The following GALNT17 variants were observed in gnomAD, a reference collection of about 807,000 sequenced individuals.
GALNT17 encodes UDP-GalNAc:polypeptide N-acetylgalactosaminyltransferase-like 3.
Under a neutral mutation model 63.7 loss-of-function variants are expected in GALNT17, and 29 were observed. That is an observed-to-expected ratio of 0.46 (90% confidence interval 0.34 to 0.62). The LOEUF (loss-of-function observed/expected upper bound fraction) is 0.62, where lower values mean the gene tolerates loss of function less well. GALNT17 is among the 20% of genes least tolerant of loss of function. GALNT17 has a pLI of 0.01. For synonymous variants in GALNT17, 305 were observed against 318.3 expected (o/e 0.96, Z 0.45); for missense variants, 603 against 799.6 (o/e 0.75, Z 2.97).
chr7:71,285,910 T>C (rs914414025), intron 1 of GALNT17, among the ~76,000 whole-genome samples: 6 of 152,224 alleles, frequency 3.9e-5, no homozygotes, highest in Non-Finnish European at 8.8e-5. Context: ...GAAGTATTTG[T>C]GAAGCTATTT....
chr7:71,688,015 G>A (rs1791387717), intron 9 of GALNT17, among the ~76,000 whole-genome samples: 1 of 152,126 alleles, frequency 6.6e-6, no homozygotes, highest in Non-Finnish European at 1.5e-5. Flanking sequence ...TTTTGATGCT[G>A]AGAAAACCTG....
intron 5 of GALNT17, among the ~76,000 whole-genome samples, chr7:71,536,409 T>C (rs1584033080): frequency 2.0e-5 from 3 of 152,212 alleles, no homozygotes; most frequent in Non-Finnish European, 4.4e-5. Flanking sequence ...TTAGTCCATT[T>C]TCATGTGGCT....
At chr7:71,628,309 A>G (rs1483159649) in intron 6 of GALNT17, among the ~76,000 whole-genome samples, 1 of 152,110 alleles carries the variant, frequency 6.6e-6, no homozygotes, top group Non-Finnish European at 1.5e-5. Context: ...TTGAATTGCT[A>G]GAAATGCTTT....
intron 1 of GALNT17, among the ~76,000 whole-genome samples, chr7:71,334,508 C>T (rs1334611185): frequency 1.3e-5 from 2 of 152,062 alleles, no homozygotes; most frequent in African/African-American, 2.4e-5. Context: ...GTAGCTGGAA[C>T]ATTTGAAATG....
intron 5 of GALNT17, among the ~76,000 whole-genome samples, chr7:71,494,177 G>A (rs2116680973): frequency 6.6e-6 from 1 of 152,236 alleles, no homozygotes; most frequent in Middle Eastern, 3.4e-3. Context: ...GAGACAGTAT[G>A]TGTGTGAAGG....
rs371043053 is a variant in GALNT17 at position 71,712,000 on chromosome 7, G to A, written c.1669-18G>A. 1.6e-4 allele frequency: 257 copies of A among 1,610,586 alleles called. No individual in the cohort carries two copies. In the African/African-American group the frequency reaches 2.8e-3, roughly 18 times the overall value. ...CCTCTCTCTCTTCTCCTCTCTTCTC[G>A]ATTTTGCCCCCTCCCAGAATGGAGC... On this transcript the variant is annotated intron_variant, in intron 10 of 10. Coordinates refer to ENST00000333538, the MANE Select transcript of GALNT17 (RefSeq NM_022479.3).
In GALNT17 at chr7:71,713,371, C is replaced by G. The variant is rs916872716; in HGVS notation, c.*1225C>G. 2 of 152,712 alleles carry G rather than the reference C, an allele frequency of 1.3e-5. No individual in the cohort carries two copies. The highest frequency in any genetic ancestry group is 1.3e-4 in the Admixed American group (2 of 15,278). The allele number at this position is 152,712 out of a possible 1,614,324, so 9.5% of individuals were successfully genotyped here. A position where few individuals can be genotyped will look rare whatever the true frequency, so the allele number is the denominator to read the frequency against. ...CATGTCACTGGCCGGAAGGATGTGT[C>G]TCAGCCCTGCCCTGTGGGGTGCCCC... On this transcript the variant is annotated 3_prime_UTR_variant, in exon 11 of 11. Coordinates refer to ENST00000333538, the MANE Select transcript of GALNT17 (RefSeq NM_022479.3).
chr7:71,201,241 T>TATATA (rs1554338085), intron 1 of GALNT17, among the ~76,000 whole-genome samples: 1,552 of 138,430 alleles, frequency 0.011, 72 homozygotes, highest in African/African-American at 0.042. Flanking sequence ...GTGTTTATTT[T>TATATA]TATATATATA....
At chr7:71,617,285 AT>A (rs1474265564) in intron 6 of GALNT17, among the ~76,000 whole-genome samples, 6 of 79,002 alleles carry the variant, frequency 7.6e-5, no homozygotes, top group Non-Finnish European at 1.7e-4. Flanking sequence ...GATAGATAGT[AT>A]TTTTGGTTTT....
intron 5 of GALNT17, among the ~76,000 whole-genome samples, chr7:71,569,911 T>G (rs79293090): frequency 0.064 from 9,715 of 152,258 alleles, 335 homozygotes; most frequent in South Asian, 0.12. Context: ...TGGGATTGTT[T>G]GGTTGAATGG....
intron 9 of GALNT17, among the ~76,000 whole-genome samples, chr7:71,689,168 T>C (rs1328834370): frequency 6.6e-6 from 1 of 151,994 alleles, no homozygotes; most frequent in Non-Finnish European, 1.5e-5. Flanking sequence ...TTCTCCTATC[T>C]CTCTCCCAAT....
chr7:71,215,828 A>T (rs1199522833), intron 1 of GALNT17, among the ~76,000 whole-genome samples: 2 of 152,120 alleles, frequency 1.3e-5, no homozygotes, highest in African/African-American at 4.8e-5. Context: ...ACAATCTTAC[A>T]ATTTATTGAA....
intron 1 of GALNT17, among the ~76,000 whole-genome samples, chr7:71,306,458 A>T (rs1335664777): frequency 6.6e-6 from 1 of 151,842 alleles, no homozygotes; most frequent in African/African-American, 2.4e-5. Flanking sequence ...ACTACTCTAC[A>T]TACCTCATTT....
At chr7:71,616,174 G>C (rs1790199068) in intron 6 of GALNT17, among the ~76,000 whole-genome samples, 1 of 152,120 alleles carries the variant, frequency 6.6e-6, no homozygotes, top group African/African-American at 2.4e-5. Flanking sequence ...CGCCTGGCAG[G>C]TGGTCAAGAC....
intron 5 of GALNT17, among the ~76,000 whole-genome samples, chr7:71,520,012 C>T (rs996929809): frequency 6.6e-6 from 1 of 152,152 alleles, no homozygotes; most frequent in South Asian, 2.1e-4. Context: ...TGATTACTTA[C>T]TATGTGCTGA....
rs1790246080 is a variant in GALNT17, at chr7:71,618,237, C to CA, written c.1080+46836dup. Among the ~76,000 whole-genome samples, 4 of 152,200 alleles carry CA rather than the reference C, an allele frequency of 2.6e-5. No homozygotes were observed. In the South Asian group the frequency reaches 8.3e-4, roughly 32 times the overall value. On this transcript the variant is annotated intron_variant, in intron 6 of 10. Transcript: ENST00000333538. ...ACCATTAATGGGCTCTTGGGTTGAC[C>CA]ATGTCTTTGCTATTGTGAATAGTGC...
intron 1 of GALNT17, among the ~76,000 whole-genome samples, chr7:71,148,884 A>G (rs1045793028): frequency 7.0e-6 from 1 of 143,630 alleles, no homozygotes; most frequent in South Asian, 2.2e-4. Flanking sequence ...ATATATATAT[A>G]TATATATATG....
intron 1 of GALNT17, among the ~76,000 whole-genome samples, chr7:71,133,589 C>T (rs1032930830): frequency 6.6e-6 from 1 of 152,152 alleles, no homozygotes; most frequent in African/African-American, 2.4e-5. Flanking sequence ...GAGGACTCCT[C>T]CCTTCCTGCC....
At chr7:71,437,426 C>T (rs551315351) in intron 5 of GALNT17, among the ~76,000 whole-genome samples, 13 of 152,302 alleles carry the variant, frequency 8.5e-5, no homozygotes, top group Non-Finnish European at 1.5e-4. Flanking sequence ...AGAATGCCTA[C>T]GAACCATCAC....
Sources: gnomAD v4.1 joint callset for allele counts (sites outside exome capture counted in the v4.1 genomes callset) on GRCh38, gnomAD v4.1.1 for gene constraint, MANE v1.5 for transcripts, NCBI Gene and HGNC (gene_info 2026-07-23, HGNC 2026-07-21) for gene names.